ERCC3: variants seen among roughly 807,000 people sequenced by gnomAD.
The protein encoded by ERCC3 is general transcription and DNA repair factor IIH helicase/translocase subunit XPB.
In ERCC3, 66 loss-of-function variants were observed where a neutral mutation model predicts 94.2. That is an observed-to-expected ratio of 0.70 (90% confidence interval 0.57 to 0.86). The LOEUF is 0.86. Ranked by LOEUF, ERCC3 falls within the 40% of genes least tolerant of loss-of-function variation. The pLI is 0.00. For missense variants in ERCC3, 829 were observed against 987.1 expected, an observed-to-expected ratio of 0.84 and a Z score of 2.15; for synonymous variants, 349 against 369.1, an observed-to-expected ratio of 0.95 and a Z score of 0.63.
chr2:127,267,988 T>C (rs1305303430), intron 12 of ERCC3, among the ~76,000 whole-genome samples: 3 of 152,092 alleles, frequency 2.0e-5, no homozygotes, highest in Non-Finnish European at 4.4e-5. Flanking sequence ...AGTCTTGCTG[T>C]TGTTGCCCAG....
rs141176206 is a variant in ERCC3, at chr2:127,281,895, T to C, written c.1343-1264A>G. 2.8e-3 allele frequency among the ~76,000 whole-genome samples: 422 copies of C among 152,090 alleles called. 3 individuals carry two copies. Among genetic ancestry groups the C allele is most frequent in the Non-Finnish European group, 5.1e-3 (347 of 67,962 alleles). ...CCAAGCTCCCCATGTTAGAGGGAAA[T>C]GGTAGTCAAGGCAATGGCTACACCA... On this transcript the variant is annotated intron_variant, in intron 8 of 14. Transcript: ENST00000285398.
chr2:127,263,885 T>A (rs1421765306), intron 12 of ERCC3, among the ~76,000 whole-genome samples: 5 of 151,990 alleles, frequency 3.3e-5, no homozygotes, highest in African/African-American at 9.7e-5. Context: ...TTTTTTGTAC[T>A]TTTAGTAGGG....
intron 8 of ERCC3, among the ~76,000 whole-genome samples, chr2:127,282,796 G>A (rs1315714178): frequency 1.3e-5 from 2 of 152,164 alleles, no homozygotes; most frequent in East Asian, 1.9e-4. Flanking sequence ...TGAACTAGAC[G>A]AGAGACAGAC....
Position 127,293,696 on chromosome 2 carries a change from C to T in ERCC3, c.51G>A (p.Arg17=). 1.2e-6 allele frequency: 2 copies of T among 1,613,284 alleles called. No homozygotes were observed. Among genetic ancestry groups the T allele is most frequent in the East Asian group, 2.2e-5 (1 of 44,882 alleles). Residue 17 remains arginine (R), a synonymous_variant, in exon 2 of 15, where the codon CGG becomes CGA. Coordinates refer to ENST00000285398, the MANE Select transcript of ERCC3 (RefSeq NM_000122.2). The part of the protein sequence containing the change: ...ADRDKKKSRK[R]HYEDEEDDEE... ...CATCATCCTCTTCATCCTCATAGTG[C>T]CGCTTCCTGGATTTCTTCTTGTCTG...
chr2:127,289,001 C>A (rs1685173938), intron 6 of ERCC3, 137 bp from the exon 7 acceptor site: 3 of 827,438 alleles, frequency 3.6e-6, no homozygotes, highest in African/African-American at 3.4e-5. Flanking sequence ...GCTCAGTCAA[C>A]AACCGGGATA....
intron 13 of ERCC3, chr2:127,260,094 A>G (rs1406067915): frequency 3.1e-5 from 5 of 159,076 alleles, no homozygotes; most frequent in African/African-American, 9.7e-5. Flanking sequence ...TCATTAAATG[A>G]AAATTCCTAG....
At chr2:127,287,777 C>T (rs990933248) in intron 7 of ERCC3, among the ~76,000 whole-genome samples, 2 of 152,156 alleles carry the variant, frequency 1.3e-5, no homozygotes, top group African/African-American at 4.8e-5. Context: ...TATTATTACA[C>T]AGCAAACGGG....
intron 7 of ERCC3, among the ~76,000 whole-genome samples, chr2:127,287,493 G>C (rs1685118049): frequency 6.6e-6 from 1 of 152,122 alleles, no homozygotes; most frequent in African/African-American, 2.4e-5. Context: ...AATTAGCCGG[G>C]CATGGTGGCG....
At chr2:127,260,149 A>C (rs1684146891) in intron 13 of ERCC3, 1 of 155,370 alleles carries the variant, frequency 6.4e-6, no homozygotes, top group Admixed American at 6.2e-5. Context: ...CAGAGTACAG[A>C]CGATGTGCAC....
At chr2:127,290,587 C>G in intron 3 of ERCC3, 1 of 441,254 alleles carries the variant, frequency 2.3e-6, no homozygotes, top group Admixed American at 3.5e-5. Context: ...TAGAGAAGAC[C>G]ACACCAGTAT....
In ERCC3 at chr2:127,279,512, A is replaced by G; in HGVS notation, c.1528-137T>C. 2 of 740,760 alleles carry G rather than the reference A, an allele frequency of 2.7e-6. No individual in the cohort carries two copies. Among genetic ancestry groups the G allele is most frequent in the Non-Finnish European group, 4.8e-6 (2 of 417,050 alleles). The allele number at this position is 740,760 out of a possible 1,614,324, so 45.9% of individuals were successfully genotyped here. A position where few individuals can be genotyped will look rare whatever the true frequency, so the allele number is the denominator to read the frequency against. On this transcript the variant is annotated intron_variant, in intron 9 of 14. Transcript: ENST00000285398. This position sits in a 1 kb window ranked among gnomAD's most constrained non-coding sequence, Gnocchi z 4.7. ...TGCAGTGGCTCATGCCTGTAATGCC[A>G]GCAGTTTGGGAGGCTGAGGCAGGCA...
chr2:127,286,498 A>C (rs1448439637), intron 8 of ERCC3, among the ~76,000 whole-genome samples: 1 of 151,846 alleles, frequency 6.6e-6, no homozygotes, highest in Admixed American at 6.6e-5. Context: ...GTGAGCTGAG[A>C]TCGTGCCACT....
Position 127,289,615 on chromosome 2 carries a change from G to A in ERCC3, c.657+74C>T. 3.7e-6 allele frequency: 6 copies of A among 1,606,504 alleles called. No individual in the cohort carries two copies. In the South Asian group the frequency reaches 6.6e-5, roughly 18 times the overall value. The stretch of plus-strand genomic sequence containing the variant: ...CAGGGCTGCTAGGTTGTAAGTGCTG[G>A]GTTAAAGACACCTGAGAGAACTGAA... On this transcript the variant is annotated intron_variant, in intron 5 of 14. Transcript: ENST00000285398.
Position 127,285,709 on chromosome 2 carries a change from G to C in ERCC3, c.1342+994C>G, listed in dbSNP as rs973629263. 5.9e-5 allele frequency among the ~76,000 whole-genome samples: 9 copies of C among 151,354 alleles called. No individual in the cohort carries two copies. In the East Asian group the frequency reaches 1.7e-3, roughly 29 times the overall value. ...GTCTCAAATAAAAAAAAATTAGCCG[G>C]GTGTGGTAGTACACACCTGTAGTCC... is the stretch of plus-strand genomic sequence containing the variant. On this transcript the variant is annotated intron_variant, in intron 8 of 14. Coordinates refer to ENST00000285398, the MANE Select transcript of ERCC3 (RefSeq NM_000122.2).
chr2:127,289,582 A>T lies in ERCC3; in HGVS notation c.658-81T>A, dbSNP rs188603354. The stretch of plus-strand genomic sequence containing the variant: ...AGCAATGGGTGAAGTTGTAAAGGGT[A>T]GAACCAGCAGGGCTGCTAGGTTGTA... On this transcript the variant is annotated intron_variant, in intron 5 of 14. Transcript: ENST00000285398. 74 of 1,601,904 alleles carry T rather than the reference A, an allele frequency of 4.6e-5. No homozygotes were observed. In the Admixed American group the frequency reaches 1.2e-3, roughly 26 times the overall value.
chr2:127,262,837 G>C (rs1029406689), intron 12 of ERCC3: 1 of 152,184 alleles, frequency 6.6e-6, no homozygotes, highest in Non-Finnish European at 1.5e-5. Context: ...ATTTTTGTAT[G>C]TGGTGATAGG....
chr2:127,273,037 G>A, intron 10 of ERCC3, 76 bp from the exon 11 acceptor site: 1 of 944,100 alleles, frequency 1.1e-6, no homozygotes, highest in South Asian at 1.3e-5. Context: ...AGGGAAAAAG[G>A]AGCTCAGGCT....
chr2:127,272,929 T>TC lies in ERCC3; in HGVS notation c.1762dup (p.Glu588GlyfsTer16), dbSNP rs770925947. The TC allele has an allele frequency of 3.9e-5, 63 of 1,613,000 alleles. No individual in the cohort carries two copies. The highest frequency in any genetic ancestry group is 4.9e-5 in the Non-Finnish European group (58 of 1,179,142). ...GAAATTCTGGAGAATTTGCATCCTT[T>TC]CCCCCTGAGACGTAGGTCCGTAGAT... On this transcript the variant is annotated frameshift_variant, in exon 11 of 15. Coordinates refer to ENST00000285398, the MANE Select transcript of ERCC3 (RefSeq NM_000122.2). LOFTEE classifies it high-confidence loss of function.
At chr2:127,293,799 G>A in intron 1 of ERCC3, 81 bp from the exon 2 acceptor site, 1 of 1,599,526 alleles carries the variant, frequency 6.3e-7, no homozygotes. Context: ...TTTCACCTGC[G>A]CCGCCGCAAA....
Sources: gnomAD v4.1 joint callset for allele counts (sites outside exome capture counted in the v4.1 genomes callset) on GRCh38, gnomAD v4.1.1 for gene constraint, Gnocchi (gnomAD v3.1) non-coding constraint, MANE v1.5 for transcripts, NCBI Gene and HGNC (gene_info 2026-07-23, HGNC 2026-07-21) for gene names.